ARMC3: variants seen among roughly 807,000 people sequenced by gnomAD.
ARMC3 encodes armadillo repeat containing 3.
In ARMC3, 74 loss-of-function variants were observed where a neutral mutation model predicts 90.3. The observed-to-expected ratio is 0.82, with a 90% CI of 0.68 to 0.99. The LOEUF is 0.99. Among genes scored for constraint, ARMC3 ranks in the 50% least tolerant of loss-of-function variants. The pLI is 0.00. For missense variants in ARMC3, 958 were observed against 1,042.8 expected (o/e 0.92, Z 1.12); for synonymous variants, 334 against 361.8 (o/e 0.92, Z 0.87).
chr10:23,024,977 G>A (rs1320922568), intron 16 of ARMC3, among the ~76,000 whole-genome samples: 1 of 152,044 alleles, frequency 6.6e-6, no homozygotes, highest in East Asian at 1.9e-4. Context: ...AGACTACAGA[G>A]CAAAGAAAAT....
chr10:23,018,282 G>A (rs1838363219), intron 16 of ARMC3, among the ~76,000 whole-genome samples: 1 of 152,132 alleles, frequency 6.6e-6, no homozygotes, highest in South Asian at 2.1e-4. Flanking sequence ...GTCACAGCTG[G>A]GGTTGTAGAA....
intron 2 of ARMC3, 122 bp downstream of exon 2, chr10:22,932,166 A>C: frequency 1.6e-6 from 1 of 645,122 alleles, no homozygotes; most frequent in East Asian, 3.1e-5. Context: ...CCAAAGTCTG[A>C]CTAATGATAA....
At position 23,033,246 on chromosome 10, in the gene ARMC3, A is replaced by G. The variant is rs187023362; in HGVS notation, c.2409+223A>G. On this transcript the variant is annotated intron_variant, in intron 18 of 18. Transcript: ENST00000298032. ...ACACATACCTGCCTATATAGTCAACAGACTACTAGAAGCATATTTATTCAA... is the reference window on the plus strand; with the variant it reads ...ACACATACCTGCCTATATAGTCAACGGACTACTAGAAGCATATTTATTCAA... Among the ~76,000 whole-genome samples the G allele has an allele frequency of 2.6e-5, 4 of 152,346 alleles. No homozygotes were observed. The East Asian group carries it at 7.7e-4, about 29-fold the overall frequency.
chr10:23,009,486 GTGTTT>G (rs143027846), intron 16 of ARMC3, among the ~76,000 whole-genome samples: 2 of 151,108 alleles, frequency 1.3e-5, no homozygotes, highest in East Asian at 2.0e-4. Context: ...TTTGAGGTCT[GTGTTT>G]TGTTTTGTTT....
At chr10:23,019,994 T>G (rs1318359212) in intron 16 of ARMC3, among the ~76,000 whole-genome samples, 1 of 152,266 alleles carries the variant, frequency 6.6e-6, no homozygotes, top group Non-Finnish European at 1.5e-5. Flanking sequence ...ATTATTTCAC[T>G]GTGTGGATAT....
chr10:22,998,190 C>A lies in ARMC3; in HGVS notation c.1218C>A (p.Leu406=). 1 of 1,613,938 alleles carries A rather than the reference C, an allele frequency of 6.2e-7. No homozygotes were observed. The highest frequency in any genetic ancestry group is 8.5e-7 in the Non-Finnish European group (1 of 1,179,916). The part of the protein sequence containing the change: ...EADGIDPLIN[L]LSSKRDGAIA... ...ATGGTATTGATCCATTAATAAACCT[C>A]CTGTCTAGTAAACGAGATGGAGCCA... Residue 406 remains leucine (L), a synonymous_variant, in exon 11 of 19, where the codon CTC becomes CTA. Coordinates refer to ENST00000298032, the MANE Select transcript of ARMC3 (RefSeq NM_173081.5).
At chr10:22,975,771 AT>A (rs1298293037) in intron 8 of ARMC3, among the ~76,000 whole-genome samples, 7 of 152,058 alleles carry the variant, frequency 4.6e-5, no homozygotes, top group African/African-American at 1.4e-4. Context: ...CAGAGTCATG[AT>A]TTTTTCCCCT....
At chr10:22,998,462 G>A in intron 11 of ARMC3, 65 bp downstream of exon 11, 2 of 1,573,092 alleles carry the variant, frequency 1.3e-6, no homozygotes, top group Non-Finnish European at 1.7e-6. Flanking sequence ...GGATTCATTG[G>A]AAACATTTTT....
chr10:22,952,083 C>T (rs1049871009), intron 3 of ARMC3, among the ~76,000 whole-genome samples: 1 of 152,058 alleles, frequency 6.6e-6, no homozygotes, highest in Non-Finnish European at 1.5e-5. Flanking sequence ...TGAGATCATG[C>T]CACTGCACTC....
intron 16 of ARMC3, chr10:23,014,509 G>A (rs1838176632): frequency 1.8e-5 from 18 of 1,005,904 alleles, no homozygotes; most frequent in Non-Finnish European, 1.9e-5. Context: ...AATATTTTAT[G>A]TTAAAAAGAG....
intron 10 of ARMC3, among the ~76,000 whole-genome samples, chr10:22,988,151 C>T (rs141949848): frequency 1.6e-4 from 25 of 152,254 alleles, no homozygotes; most frequent in Non-Finnish European, 1.3e-4. Flanking sequence ...ACATTCTTTT[C>T]GCTAATATAG....
intron 16 of ARMC3, among the ~76,000 whole-genome samples, chr10:23,011,980 C>T (rs1450379175): frequency 1.3e-5 from 2 of 152,212 alleles, no homozygotes; most frequent in Non-Finnish European, 2.9e-5. Context: ...TGAGCAGCCA[C>T]AGGACCTTAT....
At chr10:23,005,736 C>T (rs548910396) in intron 13 of ARMC3, among the ~76,000 whole-genome samples, 1 of 152,120 alleles carries the variant, frequency 6.6e-6, no homozygotes, top group African/African-American at 2.4e-5. Context: ...TGGTGGCACG[C>T]ACCTGTAATC....
At chr10:22,967,180 C>T (rs1835477284) in intron 7 of ARMC3, among the ~76,000 whole-genome samples, 1 of 152,038 alleles carries the variant, frequency 6.6e-6, no homozygotes, top group Non-Finnish European at 1.5e-5. Context: ...TCTATTAAGG[C>T]CTTCAACTCA....
intron 7 of ARMC3, among the ~76,000 whole-genome samples, chr10:22,967,076 C>T (rs1835473233): frequency 6.6e-6 from 1 of 152,054 alleles, no homozygotes; most frequent in African/African-American, 2.4e-5. Context: ...ACAGGTTAGA[C>T]CAGTAGGCTG....
intron 8 of ARMC3, among the ~76,000 whole-genome samples, chr10:22,973,382 G>C (rs2131309208): frequency 6.7e-6 from 1 of 150,084 alleles, no homozygotes; most frequent in East Asian, 1.9e-4. Context: ...CTTTGCTTTG[G>C]ACTAGTATTG....
intron 16 of ARMC3, among the ~76,000 whole-genome samples, chr10:23,020,390 C>T (rs189476475): frequency 6.6e-6 from 1 of 152,362 alleles, no homozygotes; most frequent in Admixed American, 6.5e-5. Flanking sequence ...TCGCCTTGGA[C>T]TCCCAAAGTG....
chr10:22,944,598 T>C (rs779156867), intron 2 of ARMC3, among the ~76,000 whole-genome samples: 5 of 152,202 alleles, frequency 3.3e-5, no homozygotes, highest in Non-Finnish European at 7.3e-5. Flanking sequence ...ATACTCCAGC[T>C]TCCTAACTTT....
At position 23,004,082 on chromosome 10, in the gene ARMC3, G is replaced by A. The variant is rs79499742; in HGVS notation, c.1731+668G>A. Among the ~76,000 whole-genome samples the A allele has an allele frequency of 7.7e-4, 117 of 152,112 alleles. 1 individual carries two copies. The East Asian group carries it at 0.019, about 25-fold the overall frequency. ...GGAGGATGGCTTGAGCCCAGAGTTC[G>A]AGGATGTAGTGAGCTATGATCACAC... is the stretch of plus-strand genomic sequence containing the variant. On this transcript the variant is annotated intron_variant, in intron 13 of 18. Coordinates refer to ENST00000298032, the MANE Select transcript of ARMC3 (RefSeq NM_173081.5).
Sources: gnomAD v4.1 joint callset for allele counts (sites outside exome capture counted in the v4.1 genomes callset) on GRCh38, gnomAD v4.1.1 for gene constraint, MANE v1.5 for transcripts, NCBI Gene and HGNC (gene_info 2026-07-23, HGNC 2026-07-21) for gene names.